CCDC93: variants seen among roughly 807,000 people sequenced by gnomAD.
CCDC93 encodes the protein CCC complex scaffolding subunit CCDC93.
In CCDC93, 61 loss-of-function variants were observed where a neutral mutation model predicts 108.2. The observed-to-expected ratio is 0.56, with a 90% CI of 0.46 to 0.70. The LOEUF (loss-of-function observed/expected upper bound fraction) is 0.70, where lower values mean the gene tolerates loss of function less well. Among genes scored for constraint, CCDC93 ranks in the 30% least tolerant of loss-of-function variants. The pLI is 0.00. For missense variants in CCDC93, 685 were observed against 764.2 expected (o/e 0.90, Z 1.22); for synonymous variants, 276 against 260.4 (o/e 1.06, Z -0.58).
At position 117,958,457 on chromosome 2, in the gene CCDC93, T is replaced by G; in HGVS notation, c.913A>C (p.Ser305Arg). 6.2e-7 allele frequency: 1 copy of G among 1,611,142 alleles called. No homozygotes were observed. The change falls in exon 12 of 24, where the codon AGT becomes CGT. Residue 305 changes from serine (S) to arginine (R), a missense_variant. Physicochemically the swap from Ser to Arg is moderately radical, Grantham distance 110 (BLOSUM62 -1). Coordinates refer to ENST00000376300, the MANE Select transcript of CCDC93 (RefSeq NM_019044.5). The part of the protein sequence containing the change: ...EKQSELSAEE[S>R]PEKLGTSQLH... ...TGGGAGGTTCCTAATTTTTCTGGAC[T>G]TTCTTCAGCTGATAGCTCAGACTGC...
chr2:117,963,493 C>T (rs1289552709), intron 11 of CCDC93, among the ~76,000 whole-genome samples: 2 of 152,168 alleles, frequency 1.3e-5, no homozygotes, highest in Admixed American at 6.5e-5. Flanking sequence ...ATCCACTTTC[C>T]CTGATCTATA....
intron 12 of CCDC93, among the ~76,000 whole-genome samples, chr2:117,957,089 CA>C (rs1679245465): frequency 6.6e-6 from 1 of 152,102 alleles, no homozygotes; most frequent in Non-Finnish European, 1.5e-5. Context: ...AGGGAGTCTC[CA>C]AGTTGGTTAG....
Position 117,975,039 on chromosome 2 carries a change from G to T in CCDC93, c.751-139C>A. On this transcript the variant is annotated intron_variant, in intron 9 of 23. Coordinates refer to ENST00000376300, the MANE Select transcript of CCDC93 (RefSeq NM_019044.5). Reference sequence around the variant, plus strand: ...TCTTATGTGAGCCTCAAAGGCAGGTGATAAAATGAAACTGGAAGGTGTGAA... The same window carrying T: ...TCTTATGTGAGCCTCAAAGGCAGGTTATAAAATGAAACTGGAAGGTGTGAA... The T allele has an allele frequency of 3.8e-6, 4 of 1,048,282 alleles. No individual in the cohort carries two copies. In the South Asian group the frequency reaches 4.2e-5, roughly 11 times the overall value. The allele number at this position is 1,048,282 out of a possible 1,614,324, so 64.9% of individuals were successfully genotyped here. A position where few individuals can be genotyped will look rare whatever the true frequency, so the allele number is the denominator to read the frequency against.
intron 6 of CCDC93, among the ~76,000 whole-genome samples, chr2:117,988,186 G>C (rs181156968): frequency 6.6e-6 from 1 of 151,852 alleles, no homozygotes; most frequent in Non-Finnish European, 1.5e-5. Context: ...CACACACACA[G>C]GGTTAAATAT....
intron 23 of CCDC93, among the ~76,000 whole-genome samples, chr2:117,925,538 A>C (rs1678052746): frequency 6.6e-6 from 1 of 152,218 alleles, no homozygotes; most frequent in Non-Finnish European, 1.5e-5. Flanking sequence ...CTATTACATA[A>C]TGGTAAAGGG....
chr2:117,976,827 G>A (rs1321880972), intron 8 of CCDC93, among the ~76,000 whole-genome samples: 1 of 152,074 alleles, frequency 6.6e-6, no homozygotes, highest in South Asian at 2.1e-4. Context: ...GGGGGAGCCT[G>A]GGGAGTGGGT....
intron 6 of CCDC93, among the ~76,000 whole-genome samples, chr2:117,990,126 G>T (rs1277159837): frequency 6.6e-6 from 1 of 152,208 alleles, no homozygotes; most frequent in Non-Finnish European, 1.5e-5. Context: ...AGGTTAAGAG[G>T]GAGTAAAAGA....
At chr2:117,934,054 G>T (rs1010032910) in intron 22 of CCDC93, 5 of 152,232 alleles carry the variant, frequency 3.3e-5, no homozygotes, top group African/African-American at 1.2e-4. Flanking sequence ...AAGCCTCCTC[G>T]GGGAGAGTGA....
At chr2:117,935,603 A>C in intron 21 of CCDC93, 24 bp from the exon 22 acceptor site, 2 of 1,559,980 alleles carry the variant, frequency 1.3e-6, no homozygotes. Context: ...CAGTAGAGTT[A>C]TGACCGGCAC....
chr2:117,947,693 CTT>C (rs763811529), intron 15 of CCDC93, among the ~76,000 whole-genome samples: 7 of 121,964 alleles, frequency 5.7e-5, no homozygotes, highest in Non-Finnish European at 5.0e-5. Context: ...GATGAATCTG[CTT>C]TTTTTTTTTT....
chr2:117,952,457 C>G, intron 12 of CCDC93, 22 bp from the exon 13 acceptor site: 1 of 1,532,032 alleles, frequency 6.5e-7, no homozygotes. Flanking sequence ...AGATAAAAGA[C>G]ATATGCTCTC....
rs1677713440 is a variant in CCDC93 at position 117,917,192 on chromosome 2, T to A, written c.*3151A>T. ...AAGACCATATGAGGCAGCAGAAATA[T>A]GAGGGCACAGGTTAGAGCCAGGGCT... On this transcript the variant is annotated 3_prime_UTR_variant, in exon 24 of 24. Coordinates refer to ENST00000376300, the MANE Select transcript of CCDC93 (RefSeq NM_019044.5). The A allele has an allele frequency of 6.6e-6, 1 of 152,612 alleles. No individual in the cohort carries two copies. The highest frequency in any genetic ancestry group is 2.4e-5 in the African/African-American group (1 of 41,418). The allele number at this position is 152,612 out of a possible 1,614,324, so 9.5% of individuals were successfully genotyped here.
intron 17 of CCDC93, 75 bp downstream of exon 17, chr2:117,945,454 G>A: frequency 8.4e-7 from 1 of 1,183,594 alleles, no homozygotes; most frequent in South Asian, 1.2e-5. Context: ...GGCATGAGAA[G>A]CCATCACAGG....
At chr2:117,974,569 ACTCACGGGTCAGCTCTAG>A (rs1456211031) in intron 10 of CCDC93, among the ~76,000 whole-genome samples, 1 of 152,106 alleles carries the variant, frequency 6.6e-6, no homozygotes, top group East Asian at 1.9e-4. Context: ...ATGAGGCATA[ACTCACGGGTCAGCTCTAG>A]CTCTTCCGCA....
In CCDC93 at chr2:117,920,112, T is replaced by C; in HGVS notation, c.*231A>G. The C allele has an allele frequency of 2.3e-6, 1 of 431,876 alleles. No homozygotes were observed. Among genetic ancestry groups the C allele is most frequent in the Non-Finnish European group, 4.2e-6 (1 of 238,174 alleles). 26.8% of individuals were successfully genotyped at this position (431,876 alleles called of 1,614,324 possible). ...CAACAGAGAACAAGTACTCCCTATA[T>C]TCTTCATAGGATGATGGGTGTTATC... On this transcript the variant is annotated 3_prime_UTR_variant, in exon 24 of 24. Transcript: ENST00000376300.
At chr2:117,973,370 G>T (rs1018476226) in intron 11 of CCDC93, among the ~76,000 whole-genome samples, 2 of 148,346 alleles carry the variant, frequency 1.3e-5, no homozygotes, top group African/African-American at 5.0e-5. Flanking sequence ...ATTAATCACC[G>T]TCTCCCTGAA....
chr2:117,921,460 G>A (rs1245947516), intron 23 of CCDC93, among the ~76,000 whole-genome samples: 1 of 152,076 alleles, frequency 6.6e-6, no homozygotes, highest in African/African-American at 2.4e-5. Flanking sequence ...CCCATTCTCT[G>A]GGCAGGGTCA....
At chr2:117,961,557 C>G (rs76267840) in intron 11 of CCDC93, among the ~76,000 whole-genome samples, 1 of 152,206 alleles carries the variant, frequency 6.6e-6, no homozygotes, top group African/African-American at 2.4e-5. Flanking sequence ...GAAAGCTGAC[C>G]GCTCTGTTTT....
intron 1 of CCDC93, among the ~76,000 whole-genome samples, chr2:118,013,249 C>G (rs757952979): frequency 4.6e-5 from 7 of 152,246 alleles, no homozygotes; most frequent in Non-Finnish European, 1.0e-4. Context: ...TAACAAACAC[C>G]TTTGGAAAAG....
Sources: allele counts gnomAD v4.1 joint callset (sites outside exome capture counted in the v4.1 genomes callset), GRCh38; gene constraint gnomAD v4.1.1; transcripts MANE v1.5; gene names NCBI Gene and HGNC (gene_info 2026-07-23, HGNC 2026-07-21).